DLG2: variants seen among roughly 807,000 people sequenced by gnomAD.
DLG2 encodes discs large MAGUK scaffold protein 2.
Under a neutral mutation model 132.5 loss-of-function variants are expected in DLG2, and 45 were observed. The ratio of observed to expected loss-of-function variants is 0.34; its 90% CI spans 0.27 to 0.44. The LOEUF (loss-of-function observed/expected upper bound fraction) is 0.44. DLG2 is among the 20% of genes least tolerant of loss of function. The probability of loss-of-function intolerance (pLI) is 1.00; values close to 1 mark genes in which losing one functional copy is unlikely to be tolerated. For missense variants in DLG2, 1,045 were observed against 1,196.9 expected (o/e 0.87, Z 1.87); for synonymous variants, 424 against 419.6 (o/e 1.01, Z -0.13).
intron 6 of DLG2, among the ~76,000 whole-genome samples, chr11:84,999,055 T>A (rs148138346): frequency 7.5e-4 from 114 of 152,058 alleles, no homozygotes; most frequent in African/African-American, 2.6e-3. Flanking sequence ...ACCATTTAGA[T>A]CAGAATCTTG....
At chr11:85,151,479 T>C (rs560531425) in intron 5 of DLG2, among the ~76,000 whole-genome samples, 5 of 152,298 alleles carry the variant, frequency 3.3e-5, no homozygotes, top group Non-Finnish European at 7.4e-5. Context: ...CTATTAGTTT[T>C]ATAGTTTAAA....
intron 7 of DLG2, among the ~76,000 whole-genome samples, chr11:84,521,008 C>T (rs1001225240): frequency 6.6e-6 from 1 of 152,180 alleles, no homozygotes. Flanking sequence ...CTACGATGTA[C>T]ATTAGTCTTT....
intron 19 of DLG2, among the ~76,000 whole-genome samples, chr11:83,597,141 T>TA (rs2057732052): frequency 6.6e-6 from 1 of 152,190 alleles, no homozygotes; most frequent in African/African-American, 2.4e-5. Context: ...GATGGATAGA[T>TA]ACCTACTTCA....
intron 6 of DLG2, among the ~76,000 whole-genome samples, chr11:84,946,701 C>T (rs2050245091): frequency 2.0e-5 from 3 of 152,112 alleles, no homozygotes; most frequent in Admixed American, 6.5e-5. Flanking sequence ...AACACAAGTG[C>T]TTCCTTGGCC....
intron 6 of DLG2, among the ~76,000 whole-genome samples, chr11:84,599,336 A>G (rs574378249): frequency 6.6e-6 from 1 of 152,320 alleles, no homozygotes; most frequent in African/African-American, 2.4e-5. Context: ...GTCATATGTC[A>G]GCATCCATAA....
intron 6 of DLG2, among the ~76,000 whole-genome samples, chr11:84,742,791 T>C (rs1228616390): frequency 6.6e-6 from 1 of 152,146 alleles, no homozygotes; most frequent in Non-Finnish European, 1.5e-5. Context: ...AAATCCTCTT[T>C]ATTTTGCCTA....
chr11:84,727,421 T>C (rs546619121), intron 6 of DLG2, among the ~76,000 whole-genome samples: 12 of 152,300 alleles, frequency 7.9e-5, no homozygotes, highest in African/African-American at 2.6e-4. Flanking sequence ...TGGTGTTATG[T>C]CTGAGGCCTC....
At chr11:84,174,870 T>C (rs745719565) in intron 8 of DLG2, among the ~76,000 whole-genome samples, 51 of 152,360 alleles carry the variant, frequency 3.3e-4, no homozygotes, top group Admixed American at 1.4e-3. Flanking sequence ...TTGTTAAATA[T>C]GTAGTACATG....
chr11:83,714,722 A>ATTTG (rs1491541926), intron 18 of DLG2, among the ~76,000 whole-genome samples: 30 of 152,174 alleles, frequency 2.0e-4, no homozygotes, highest in Admixed American at 1.9e-3. Flanking sequence ...GATAACTATA[A>ATTTG]TTTGTTTTAT....
At chr11:84,166,108 C>T in intron 8 of DLG2, among the ~76,000 whole-genome samples, 1 of 152,132 alleles carries the variant, frequency 6.6e-6, no homozygotes, top group Non-Finnish European at 1.5e-5. Flanking sequence ...TCTATTCTCT[C>T]ATTACAGGGA....
intron 7 of DLG2, among the ~76,000 whole-genome samples, chr11:84,533,442 T>A (rs1248070154): frequency 6.6e-6 from 1 of 152,206 alleles, no homozygotes; most frequent in Non-Finnish European, 1.5e-5. Context: ...ATATTAATAT[T>A]TACATATTTT....
intron 6 of DLG2, among the ~76,000 whole-genome samples, chr11:84,746,555 A>C (rs777366383): frequency 1.3e-5 from 2 of 152,184 alleles, no homozygotes; most frequent in African/African-American, 4.8e-5. Flanking sequence ...CTCAGTTTCT[A>C]TATCTATAAG....
intron 3 of DLG2, among the ~76,000 whole-genome samples, chr11:85,529,521 C>G (rs1309680571): frequency 1.3e-5 from 2 of 152,032 alleles, no homozygotes; most frequent in African/African-American, 4.8e-5. Context: ...AAAATGTTCC[C>G]TTTTATTTTC....
intron 19 of DLG2, among the ~76,000 whole-genome samples, chr11:83,600,198 A>G (rs1173356673): frequency 6.6e-6 from 1 of 151,342 alleles, no homozygotes; most frequent in Non-Finnish European, 1.5e-5. Context: ...ATTTTTTTCA[A>G]AGATGAGGAA....
intron 3 of DLG2, among the ~76,000 whole-genome samples, chr11:85,493,075 TA>T (rs1370673229): frequency 6.6e-6 from 1 of 152,102 alleles, no homozygotes; most frequent in Non-Finnish European, 1.5e-5. Context: ...GCAGGCTAAC[TA>T]TAAGTAAAAA....
At chr11:84,474,713 G>A (rs2099117074) in intron 7 of DLG2, among the ~76,000 whole-genome samples, 1 of 152,038 alleles carries the variant, frequency 6.6e-6, no homozygotes. Context: ...ACTACCAGTA[G>A]TAGTAGCACT....
chr11:83,802,496 C>T (rs2044689781), intron 17 of DLG2, among the ~76,000 whole-genome samples: 1 of 152,080 alleles, frequency 6.6e-6, no homozygotes, highest in Non-Finnish European at 1.5e-5. Context: ...CATGTTCTCC[C>T]TTTTGAAATC....
chr11:84,634,115 G>A (rs997247588), intron 6 of DLG2, among the ~76,000 whole-genome samples: 1 of 152,150 alleles, frequency 6.6e-6, no homozygotes, highest in Non-Finnish European at 1.5e-5. Context: ...TATGTGAAGA[G>A]TATGTCAGGC....
chr11:84,766,853 A>C (rs2068491489), intron 6 of DLG2, among the ~76,000 whole-genome samples: 1 of 152,106 alleles, frequency 6.6e-6, no homozygotes, highest in Non-Finnish European at 1.5e-5. Flanking sequence ...TATTTTCATA[A>C]ATAATCATAA....
Sources: gnomAD v4.1 joint callset for allele counts (sites outside exome capture counted in the v4.1 genomes callset) on GRCh38, gnomAD v4.1.1 for gene constraint, MANE v1.5 for transcripts, NCBI Gene and HGNC (gene_info 2026-07-23, HGNC 2026-07-21) for gene names.